The following ASB4 variants were observed in gnomAD, a reference collection of about 807,000 sequenced individuals.
ASB4 encodes ankyrin repeat and SOCS box protein 4.
ASB4 carries 35 observed loss-of-function variants against 38.6 expected under a neutral mutation model. The ratio of observed to expected loss-of-function variants is 0.91; its 90% CI spans 0.69 to 1.20. The LOEUF is 1.20. Ranked by LOEUF, ASB4 falls within the 50% of genes most tolerant of loss-of-function variation. The probability of loss-of-function intolerance (pLI) is 0.00; values close to 1 mark genes in which losing one functional copy is unlikely to be tolerated. For synonymous variants in ASB4, 195 were observed against 201.3 expected, an observed-to-expected ratio of 0.97 and a Z score of 0.26; for missense variants, 557 against 527.2, an observed-to-expected ratio of 1.06 and a Z score of -0.55.
chr7:95,546,411 T>A, the ASB4 span, among the ~76,000 whole-genome samples: 7 of 151,924 alleles, frequency 4.6e-5, no homozygotes, highest in Non-Finnish European at 8.8e-5. Flanking sequence ...TAGTTTCCAA[T>A]GATTCTTAAA....
chr7:95,514,456 A>G (rs954991197), intron 2 of ASB4, among the ~76,000 whole-genome samples: 1 of 152,250 alleles, frequency 6.6e-6, no homozygotes, highest in Admixed American at 6.5e-5. Context: ...TAATTACATC[A>G]TAAAAATGAA....
Position 95,527,967 on chromosome 7 carries a change from C to T in ASB4, c.642C>T (p.Ile214=). 1 of 1,614,112 alleles carries T rather than the reference C, an allele frequency of 6.2e-7. No homozygotes were observed. The highest frequency in any genetic ancestry group is 1.1e-5 in the South Asian group (1 of 91,074). Residue 214 remains isoleucine, a synonymous_variant, in exon 3 of 5, where the codon ATC becomes ATT. Coordinates refer to ENST00000325885, the MANE Select transcript of ASB4 (RefSeq NM_016116.3). ...VNAHMETPLA[I]AAYWALRFKE... ...CCCACATGGAGACCCCCCTGGCCAT[C>T]GCCGCCTACTGGGCCCTCCGCTTTA...
At chr7:95,500,568 CAAAAAAAAAAAA>C (rs771099175) in intron 2 of ASB4, among the ~76,000 whole-genome samples, 7 of 41,000 alleles carry the variant, frequency 1.7e-4, no homozygotes, top group African/African-American at 4.8e-4. Context: ...AGATCTGTCT[CAAAAAAAAAAAA>C]AAAAAAAAAA....
intron 2 of ASB4, among the ~76,000 whole-genome samples, chr7:95,520,373 T>C (rs1253632716): frequency 6.6e-6 from 1 of 152,182 alleles, no homozygotes; most frequent in African/African-American, 2.4e-5. Flanking sequence ...CAAACTCAGG[T>C]TTATTGGAAA....
chr7:95,479,774 T>C (rs1394822825), intron 1 of ASB4, among the ~76,000 whole-genome samples: 2 of 152,186 alleles, frequency 1.3e-5, no homozygotes, highest in Non-Finnish European at 2.9e-5. Context: ...AGAATTGGAC[T>C]TGGGTTCAAG....
chr7:95,502,587 G>T (rs953179855), intron 2 of ASB4, among the ~76,000 whole-genome samples: 2 of 152,090 alleles, frequency 1.3e-5, no homozygotes, highest in Non-Finnish European at 2.9e-5. Flanking sequence ...AGAGATAACT[G>T]GGGAGAAAGA....
chr7:95,536,352 C>G, intron 3 of ASB4, 85 bp from the exon 4 acceptor site: 1 of 817,446 alleles, frequency 1.2e-6, no homozygotes, highest in Non-Finnish European at 2.0e-6. Context: ...GCCCACTGGT[C>G]TGTGAATTCT....
chr7:95,547,210 A>T, the ASB4 span, among the ~76,000 whole-genome samples: 1 of 152,232 alleles, frequency 6.6e-6, no homozygotes, highest in Non-Finnish European at 1.5e-5. Flanking sequence ...ACAAGTGTAT[A>T]TACCCTTATA....
Position 95,527,903 on chromosome 7 carries a change from T to G in ASB4, c.578T>G (p.Phe193Cys). The G allele has an allele frequency of 6.2e-7, 1 of 1,614,082 alleles. No individual in the cohort carries two copies. The highest frequency in any genetic ancestry group is 8.5e-7 in the Non-Finnish European group (1 of 1,180,018). Residue 193 changes from phenylalanine (F) to cysteine (C), a missense_variant, in exon 3 of 5, where the codon TTC (phenylalanine) becomes TGC (cysteine). By Grantham distance (205) the Phe-to-Cys change is radical. Coordinates refer to ENST00000325885, the MANE Select transcript of ASB4 (RefSeq NM_016116.3). ...TTCGGCCTTTCGGAGCTGGTGGCCTTCTACGTGGAACACGGGGCCATAGTG... is the reference window on the plus strand; with the variant it reads ...TTCGGCCTTTCGGAGCTGGTGGCCTGCTACGTGGAACACGGGGCCATAGTG... ...AHFGLSELVA[F>C]YVEHGAIVDS...
intron 2 of ASB4, among the ~76,000 whole-genome samples, chr7:95,512,462 T>C (rs1790496504): frequency 6.6e-6 from 1 of 152,202 alleles, no homozygotes; most frequent in Admixed American, 6.5e-5. Context: ...TCCACTGTAT[T>C]AAGCAATGAT....
chr7:95,527,661 G>A (rs1790756980), intron 2 of ASB4, 152 bp from the exon 3 acceptor site: 2 of 766,196 alleles, frequency 2.6e-6, no homozygotes. Flanking sequence ...GGCCCAGGAA[G>A]AGAGCCTGGG....
chr7:95,479,331 ACTC>A (rs201286478), intron 1 of ASB4, among the ~76,000 whole-genome samples: 126 of 152,064 alleles, frequency 8.3e-4, no homozygotes, highest in African/African-American at 2.8e-3. Flanking sequence ...ATAATATGTA[ACTC>A]TCCTATAATG....
At chr7:95,484,496 TA>T (rs1270162097), upstream of ASB4, among the ~76,000 whole-genome samples, 1 of 152,230 alleles carries the variant, frequency 6.6e-6, no homozygotes, top group African/African-American at 2.4e-5. Context: ...GTTTGTTCAC[TA>T]AAAATTTGAC....
intron 2 of ASB4, among the ~76,000 whole-genome samples, chr7:95,497,482 G>A (rs1790268104): frequency 6.6e-6 from 1 of 152,168 alleles, no homozygotes; most frequent in Non-Finnish European, 1.5e-5. Flanking sequence ...AGATAGTGAT[G>A]CCATTTTTTG....
downstream of ASB4, among the ~76,000 whole-genome samples, chr7:95,541,679 G>A (rs979438753): frequency 4.6e-5 from 7 of 152,224 alleles, no homozygotes; most frequent in African/African-American, 9.6e-5. Flanking sequence ...TAAAATAGAC[G>A]CAATGATCTA....
At chr7:95,533,706 G>T (rs1584096103) in intron 3 of ASB4, among the ~76,000 whole-genome samples, 1 of 152,126 alleles carries the variant, frequency 6.6e-6, no homozygotes, top group Non-Finnish European at 1.5e-5. Context: ...AAGACCCAGA[G>T]GTTAAATTTT....
At chr7:95,487,860 T>A (rs917587318) in intron 1 of ASB4, among the ~76,000 whole-genome samples, 1 of 152,160 alleles carries the variant, frequency 6.6e-6, no homozygotes, top group African/African-American at 2.4e-5. Context: ...GCCAAGTGGA[T>A]GCTTGCACAG....
At chr7:95,523,274 A>G (rs1041006045) in intron 2 of ASB4, among the ~76,000 whole-genome samples, 2 of 152,228 alleles carry the variant, frequency 1.3e-5, no homozygotes, top group African/African-American at 4.8e-5. Context: ...TCGAAAGTCA[A>G]CATCACTGTG....
Position 95,536,521 on chromosome 7 carries a change from AGAAGAGCTATCCCC to A in ASB4, c.1066_1079del (p.Arg356Ter). On this transcript the variant is annotated frameshift_variant, in exon 4 of 5. Transcript: ENST00000325885. The stretch of plus-strand genomic sequence containing the variant: ...ACACATCAGATGGAACACAAAGTGG[AGAAGAGCTATCCCC>A]GATGATGACTTGGAGGTAAATAATC... 1 of 1,612,152 alleles carries A rather than the reference AGAAGAGCTATCCCC, an allele frequency of 6.2e-7. No homozygotes were observed. Among genetic ancestry groups the A allele is most frequent in the Non-Finnish European group, 8.5e-7 (1 of 1,178,316 alleles).
Sources: gnomAD v4.1 joint callset for allele counts (sites outside exome capture counted in the v4.1 genomes callset) on GRCh38, gnomAD v4.1.1 for gene constraint, MANE v1.5 for transcripts, NCBI Gene and HGNC (gene_info 2026-07-23, HGNC 2026-07-21) for gene names.